Variants in NAV3 observed in about 807,000 individuals in gnomAD.
NAV3 encodes neuron navigator 3, also known as pore membrane and/or filament interacting like protein 1.
Under a neutral mutation model 244.7 loss-of-function variants are expected in NAV3, and 87 were observed. The ratio of observed to expected loss-of-function variants is 0.36; its 90% CI spans 0.30 to 0.42. NAV3 has a LOEUF of 0.42. Ranked by LOEUF, NAV3 falls within the 20% of genes least tolerant of loss-of-function variation. The probability of loss-of-function intolerance (pLI) is 1.00; values close to 1 mark genes in which losing one functional copy is unlikely to be tolerated. For synonymous variants in NAV3, 1,126 were observed against 1,042.2 expected (o/e 1.08, Z -1.55); for missense variants, 2,663 against 2,893.3 (o/e 0.92, Z 1.83).
At chr12:77,771,079 C>G (rs1225276121) in intron 2 of NAV3, among the ~76,000 whole-genome samples, 2 of 152,112 alleles carry the variant, frequency 1.3e-5, no homozygotes, top group East Asian at 1.9e-4. Context: ...AAAAAACAAA[C>G]AACCCCATCA....
chr12:77,660,507 G>A (rs202043984), intron 2 of NAV3, among the ~76,000 whole-genome samples: 1 of 151,794 alleles, frequency 6.6e-6, no homozygotes, highest in East Asian at 1.9e-4. Context: ...TTATCTAAAG[G>A]TATCCATTTT....
At chr12:78,019,525 A>G (rs1272540933) in intron 8 of NAV3, among the ~76,000 whole-genome samples, 2 of 152,186 alleles carry the variant, frequency 1.3e-5, no homozygotes, top group African/African-American at 4.8e-5. Context: ...AATACTAAGT[A>G]TGAAGTGCTT....
intron 1 of NAV3, among the ~76,000 whole-genome samples, chr12:77,905,244 A>G (rs1885842491): frequency 6.6e-6 from 1 of 152,118 alleles, no homozygotes; most frequent in Non-Finnish European, 1.5e-5. Context: ...GGGAAACACA[A>G]AATATATTGC....
At chr12:78,151,014 A>G (rs1389465397) in intron 22 of NAV3, among the ~76,000 whole-genome samples, 1 of 152,002 alleles carries the variant, frequency 6.6e-6, no homozygotes, top group East Asian at 1.9e-4. Flanking sequence ...GAAGAGCACA[A>G]TTAGGGAAAA....
At chr12:77,648,165 G>A (rs1018336960) in intron 2 of NAV3, among the ~76,000 whole-genome samples, 5 of 151,962 alleles carry the variant, frequency 3.3e-5, no homozygotes, top group Non-Finnish European at 7.4e-5. Flanking sequence ...TAAAGGCCTC[G>A]TTTCAAAAAA....
intron 2 of NAV3, among the ~76,000 whole-genome samples, chr12:77,796,080 C>T (rs1871395213): frequency 6.6e-6 from 1 of 152,088 alleles, no homozygotes; most frequent in African/African-American, 2.4e-5. Context: ...TTAAGAAATA[C>T]ATTTCATAAG....
chr12:78,174,418 A>G (rs542787830), intron 24 of NAV3, among the ~76,000 whole-genome samples: 3 of 151,928 alleles, frequency 2.0e-5, no homozygotes, highest in East Asian at 3.9e-4. Context: ...TTTTAACACA[A>G]TGGATATTAG....
intron 1 of NAV3, among the ~76,000 whole-genome samples, chr12:77,869,956 T>G (rs1483847434): frequency 6.6e-6 from 1 of 152,212 alleles, no homozygotes; most frequent in African/African-American, 2.4e-5. Context: ...TGCATTGGAT[T>G]ATGAGATAAA....
chr12:77,754,784 C>T (rs1869044047), intron 2 of NAV3, among the ~76,000 whole-genome samples: 1 of 152,070 alleles, frequency 6.6e-6, no homozygotes, highest in South Asian at 2.1e-4. Context: ...CTTACAAGAC[C>T]AGTGATTCTA....
intron 2 of NAV3, among the ~76,000 whole-genome samples, chr12:77,778,330 A>C (rs950224457): frequency 6.6e-6 from 1 of 150,792 alleles, no homozygotes; most frequent in Non-Finnish European, 1.5e-5. Context: ...ATGCATTTAT[A>C]GGCCGGGCGC....
At chr12:78,000,799 G>A (rs1873148756) in intron 7 of NAV3, among the ~76,000 whole-genome samples, 1 of 150,850 alleles carries the variant, frequency 6.6e-6, no homozygotes, top group South Asian at 2.1e-4. Context: ...CACCGCGCCC[G>A]GCCAAAACAT....
intron 15 of NAV3, among the ~76,000 whole-genome samples, chr12:78,121,672 A>G (rs936769789): frequency 6.6e-6 from 1 of 152,064 alleles, no homozygotes; most frequent in Non-Finnish European, 1.5e-5. Context: ...TATGAAAACC[A>G]GGGGTTTTCA....
At chr12:78,028,126 G>C (rs1566033813) in intron 9 of NAV3, among the ~76,000 whole-genome samples, 1 of 152,078 alleles carries the variant, frequency 6.6e-6, no homozygotes, top group Non-Finnish European at 1.5e-5. Flanking sequence ...CATTGAAAGT[G>C]ATGAACAGAA....
chr12:78,068,072 G>C (rs35420621), intron 12 of NAV3, among the ~76,000 whole-genome samples: 18,203 of 151,908 alleles, frequency 0.12, 1,186 homozygotes, highest in Non-Finnish European at 0.15. Flanking sequence ...AATAACAATA[G>C]CTATAATAGA....
intron 2 of NAV3, among the ~76,000 whole-genome samples, chr12:77,609,288 C>T (rs1189128272): frequency 6.6e-6 from 1 of 152,102 alleles, no homozygotes; most frequent in African/African-American, 2.4e-5. Context: ...GCCCCCTCAA[C>T]AACCTGGCAT....
chr12:77,844,240 G>A (rs1032462338), intron 1 of NAV3, among the ~76,000 whole-genome samples: 2 of 152,126 alleles, frequency 1.3e-5, no homozygotes, highest in South Asian at 2.1e-4. Flanking sequence ...TTTCTGCATC[G>A]TCCACAGGGG....
At chr12:77,738,998 C>G (rs967083687) in intron 2 of NAV3, among the ~76,000 whole-genome samples, 1 of 108,268 alleles carries the variant, frequency 9.2e-6, no homozygotes, top group Non-Finnish European at 1.7e-5. Context: ...GGCGACAGAG[C>G]GAGACTCCGT....
At chr12:78,205,449 G>A (rs528368077) in intron 39 of NAV3, among the ~76,000 whole-genome samples, 110 of 151,754 alleles carry the variant, frequency 7.2e-4, no homozygotes, top group Non-Finnish European at 1.0e-3. Context: ...CAATTCAATA[G>A]GCATTTAAGA....
intron 2 of NAV3, among the ~76,000 whole-genome samples, chr12:77,753,263 C>T (rs1365019773): frequency 6.6e-6 from 1 of 152,182 alleles, no homozygotes; most frequent in South Asian, 2.1e-4. Context: ...AAACTACTTA[C>T]CATTCTCATG....
Sources: allele counts gnomAD v4.1 joint callset (sites outside exome capture counted in the v4.1 genomes callset), GRCh38; gene constraint gnomAD v4.1.1; transcripts MANE v1.5; gene names NCBI Gene and HGNC (gene_info 2026-07-23, HGNC 2026-07-21).